The following PTPRT variants were observed in gnomAD, a reference collection of about 807,000 sequenced individuals.
PTPRT encodes receptor-type tyrosine-protein phosphatase T.
Under a neutral mutation model 176.8 loss-of-function variants are expected in PTPRT, and 56 were observed. The observed-to-expected ratio is 0.32, with a 90% CI of 0.26 to 0.40. The LOEUF is 0.40. Ranked by LOEUF, PTPRT falls within the 10% of genes least tolerant of loss-of-function variation. The probability of loss-of-function intolerance (pLI) is 1.00; values close to 1 mark genes in which losing one functional copy is unlikely to be tolerated. For missense variants in PTPRT, 1,540 were observed against 1,908.2 expected (o/e 0.81, Z 3.60); for synonymous variants, 783 against 739.0 (o/e 1.06, Z -0.96).
intron 12 of PTPRT, among the ~76,000 whole-genome samples, chr20:42,298,659 A>T (rs2057419741): frequency 6.6e-6 from 1 of 152,232 alleles, no homozygotes; most frequent in African/African-American, 2.4e-5. Flanking sequence ...GCGGTGGCTC[A>T]CGCCTGTAAT....
intron 13 of PTPRT, among the ~76,000 whole-genome samples, chr20:42,258,018 T>G (rs963458755): frequency 1.3e-5 from 2 of 152,126 alleles, no homozygotes; most frequent in Non-Finnish European, 2.9e-5. Flanking sequence ...ATCGTACTAC[T>G]CTGTCACCTC....
intron 6 of PTPRT, among the ~76,000 whole-genome samples, chr20:42,718,077 C>T (rs2076252146): frequency 6.6e-6 from 1 of 152,228 alleles, no homozygotes; most frequent in African/African-American, 2.4e-5. Context: ...CAACTCTACT[C>T]CTAGTTACAT....
At chr20:42,411,817 G>T (rs1382780116) in intron 9 of PTPRT, among the ~76,000 whole-genome samples, 1 of 147,130 alleles carries the variant, frequency 6.8e-6, no homozygotes, top group Non-Finnish European at 1.5e-5. Flanking sequence ...TATGAAAACA[G>T]TTTCACTGGG....
the PTPRT span, among the ~76,000 whole-genome samples, chr20:42,042,559 A>G: frequency 6.6e-6 from 1 of 152,280 alleles, no homozygotes; most frequent in South Asian, 2.1e-4. Context: ...TCTTTTGCAT[A>G]ATGTTTGGAC....
At chr20:42,434,787 C>T in intron 9 of PTPRT, among the ~76,000 whole-genome samples, 1 of 144,070 alleles carries the variant, frequency 6.9e-6, no homozygotes. Flanking sequence ...CAAGGTGAAA[C>T]CCCGTCTCTA....
intron 7 of PTPRT, among the ~76,000 whole-genome samples, chr20:42,589,931 T>G (rs1479237054): frequency 1.3e-5 from 2 of 152,184 alleles, no homozygotes; most frequent in African/African-American, 2.4e-5. Context: ...CAATGTGATC[T>G]TGTCACTCCC....
At position 43,107,279 on chromosome 20, in the gene PTPRT, C is replaced by T. The variant is rs556031840; in HGVS notation, c.88+82367G>A. 9.9e-5 allele frequency among the ~76,000 whole-genome samples: 15 copies of T among 152,184 alleles called. No individual in the cohort carries two copies. The South Asian group carries it at 2.7e-3, about 27-fold the overall frequency. On this transcript the variant is annotated intron_variant, in intron 1 of 30. Coordinates refer to ENST00000373187, the MANE Select transcript of PTPRT (RefSeq NM_007050.6). ...CTGGGGTGTGTGGCAGACAGCTAGT[C>T]GGCTGAGGATGGACATTTCATCTTC...
chr20:43,089,338 C>T (rs999265005), intron 1 of PTPRT, among the ~76,000 whole-genome samples: 1 of 152,146 alleles, frequency 6.6e-6, no homozygotes, highest in East Asian at 1.9e-4. Context: ...CACACAGAGG[C>T]GCCTCATGGT....
At chr20:42,173,323 G>A (rs900327848) in intron 16 of PTPRT, among the ~76,000 whole-genome samples, 10 of 152,112 alleles carry the variant, frequency 6.6e-5, no homozygotes, top group African/African-American at 2.4e-4. Context: ...TTTTGTGCAT[G>A]TCATGTGTGT....
intron 1 of PTPRT, among the ~76,000 whole-genome samples, chr20:43,097,894 T>C (rs1465071870): frequency 6.6e-6 from 1 of 152,138 alleles, no homozygotes. Context: ...ACTTCTCTTG[T>C]TACATGAAAA....
At chr20:42,306,120 C>T (rs6016738) in intron 12 of PTPRT, among the ~76,000 whole-genome samples, 116,394 of 152,076 alleles carry the variant, frequency 0.77, 45,022 homozygotes, top group African/African-American at 0.85. Context: ...GAAAATGTTC[C>T]TGCTCCCTCA....
intron 2 of PTPRT, among the ~76,000 whole-genome samples, chr20:42,812,650 A>G (rs2077716426): frequency 6.6e-6 from 1 of 152,136 alleles, no homozygotes; most frequent in South Asian, 2.1e-4. Context: ...TCCAGAGGCA[A>G]AATAGCATCA....
chr20:43,072,210 C>G (rs1290388423), intron 1 of PTPRT, among the ~76,000 whole-genome samples: 1 of 152,192 alleles, frequency 6.6e-6, no homozygotes, highest in African/African-American at 2.4e-5. Flanking sequence ...ATCCCTGCAA[C>G]AAATTAATAT....
chr20:42,793,895 A>G (rs2077413647), intron 2 of PTPRT, among the ~76,000 whole-genome samples: 2 of 152,148 alleles, frequency 1.3e-5, no homozygotes, highest in Non-Finnish European at 2.9e-5. Context: ...CTCCCAGCAG[A>G]GGCAGCAGCC....
chr20:42,618,599 A>G (rs1042211280), intron 7 of PTPRT, among the ~76,000 whole-genome samples: 2 of 128,158 alleles, frequency 1.6e-5, no homozygotes, highest in South Asian at 4.9e-4. Flanking sequence ...GTCACTCAGG[A>G]CTTGCTTTAT....
At chr20:42,363,409 C>A (rs1217813587) in intron 9 of PTPRT, among the ~76,000 whole-genome samples, 1 of 142,654 alleles carries the variant, frequency 7.0e-6, no homozygotes, top group African/African-American at 2.6e-5. Flanking sequence ...CTCCCGGGTA[C>A]AAGCAATTCT....
At chr20:43,113,085 T>A (rs954896950) in intron 1 of PTPRT, among the ~76,000 whole-genome samples, 1 of 151,894 alleles carries the variant, frequency 6.6e-6, no homozygotes, top group African/African-American at 2.4e-5. Flanking sequence ...GGGTTTTGCA[T>A]GTAACTCATT....
intron 9 of PTPRT, among the ~76,000 whole-genome samples, chr20:42,367,450 C>T (rs952218006): frequency 3.3e-5 from 5 of 152,126 alleles, no homozygotes; most frequent in Admixed American, 6.6e-5. Context: ...CTGAGATATG[C>T]CCAGGAACAA....
At position 42,340,898 on chromosome 20, in the gene PTPRT, G is replaced by A. The variant is rs16986791; in HGVS notation, c.1865+9730C>T. ...AGAAGGCATCTTGCAAGGTCACCGA[G>A]TTCTTTCAAGGAGTTTCACCAGTTC... is the stretch of plus-strand genomic sequence containing the variant. On this transcript the variant is annotated intron_variant, in intron 11 of 30. Transcript: ENST00000373187. Among the ~76,000 whole-genome samples the A allele has an allele frequency of 5.6e-3, 846 of 152,250 alleles. 7 individuals are homozygous for A. The highest frequency in any genetic ancestry group is 0.019 in the African/African-American group (808 of 41,558).
Sources: gnomAD v4.1 joint callset for allele counts (sites outside exome capture counted in the v4.1 genomes callset) on GRCh38, gnomAD v4.1.1 for gene constraint, MANE v1.5 for transcripts, NCBI Gene and HGNC (gene_info 2026-07-23, HGNC 2026-07-21) for gene names.